CLEC19A: variants seen among roughly 807,000 people sequenced by gnomAD.
The protein encoded by CLEC19A is C-type lectin domain containing 19A.
Under a neutral mutation model 26.1 loss-of-function variants are expected in CLEC19A, and 21 were observed. The ratio of observed to expected loss-of-function variants is 0.80; its 90% confidence interval spans 0.57 to 1.16. The LOEUF (loss-of-function observed/expected upper bound fraction) is 1.16, where lower values mean the gene tolerates loss of function less well. Ranked by LOEUF, CLEC19A falls within the 50% of genes most tolerant of loss-of-function variation. The pLI is 0.00. For synonymous variants in CLEC19A, 89 were observed against 88.6 expected (o/e 1.00, Z -0.03); for missense variants, 224 against 227.6 (o/e 0.98, Z 0.10).
Position 19,289,928 on chromosome 16 carries a change from C to T in CLEC19A, c.88+3989C>T, listed in dbSNP as rs146161758. On this transcript the variant is annotated intron_variant, in intron 1 of 4. Coordinates refer to ENST00000636231, the MANE Select transcript of CLEC19A (RefSeq NM_001256720.2). ...GTCTGTGAGACACTTTCTTCCAGCCCGCTGGGAGTGTCTGGGGCCTAGTAT... is the reference window on the plus strand; with the variant it reads ...GTCTGTGAGACACTTTCTTCCAGCCTGCTGGGAGTGTCTGGGGCCTAGTAT... 2.3e-4 allele frequency among the ~76,000 whole-genome samples: 35 copies of T among 152,266 alleles called. 1 individual carries two copies. Among genetic ancestry groups the T allele is most frequent in the African/African-American group, 7.5e-4 (31 of 41,566 alleles).
At chr16:19,286,079 G>A in intron 1 of CLEC19A, 140 bp downstream of exon 1, 2 of 774,422 alleles carry the variant, frequency 2.6e-6, no homozygotes, top group Non-Finnish European at 4.2e-6. Flanking sequence ...CCCCCTACCA[G>A]CTTTGTCATG....
intron 3 of CLEC19A, among the ~76,000 whole-genome samples, chr16:19,307,132 C>G (rs532587190): frequency 6.6e-6 from 1 of 152,272 alleles, no homozygotes; most frequent in East Asian, 1.9e-4. Flanking sequence ...CATCCACTGG[C>G]AAAGTGTAGT....
At chr16:19,301,940 A>G (rs991383881) in intron 2 of CLEC19A, among the ~76,000 whole-genome samples, 2 of 151,720 alleles carry the variant, frequency 1.3e-5, no homozygotes, top group African/African-American at 2.4e-5. Flanking sequence ...TCATGCCTCT[A>G]AAGTTCTTAC....
intron 3 of CLEC19A, among the ~76,000 whole-genome samples, chr16:19,305,930 A>C (rs1597089378): frequency 1.3e-5 from 2 of 151,306 alleles, no homozygotes; most frequent in Non-Finnish European, 2.9e-5. Flanking sequence ...TGCAACCTCC[A>C]CCTCCTGGGT....
chr16:19,286,277 T>C (rs1897468970), intron 1 of CLEC19A, among the ~76,000 whole-genome samples: 1 of 152,232 alleles, frequency 6.6e-6, no homozygotes, highest in Admixed American at 6.5e-5. Context: ...AGGAAAGTGC[T>C]TTGCACAGTG....
chr16:19,299,197 T>G (rs1897766683), intron 2 of CLEC19A, among the ~76,000 whole-genome samples: 1 of 152,232 alleles, frequency 6.6e-6, no homozygotes, highest in South Asian at 2.1e-4. Context: ...GCCAGTCTTG[T>G]GCTGTCCTCT....
intron 1 of CLEC19A, among the ~76,000 whole-genome samples, chr16:19,293,289 T>A (rs1897628884): frequency 6.6e-6 from 1 of 152,050 alleles, no homozygotes; most frequent in Non-Finnish European, 1.5e-5. Context: ...ACATCCTAAG[T>A]TGGATCTGAG....
At chr16:19,298,025 C>A (rs574408512) in intron 1 of CLEC19A, among the ~76,000 whole-genome samples, 8 of 151,656 alleles carry the variant, frequency 5.3e-5, no homozygotes, top group Non-Finnish European at 1.0e-4. Flanking sequence ...CCGAGGCGGG[C>A]GGATCACCTG....
chr16:19,308,375 T>C (rs179228), intron 4 of CLEC19A, among the ~76,000 whole-genome samples: 141,646 of 152,194 alleles, frequency 0.93, 66,128 homozygotes, highest in Admixed American at 0.95. Flanking sequence ...TCAGATTCTT[T>C]GTCTTCAAAA....
At position 19,309,234 on chromosome 16, in the gene CLEC19A, G is replaced by A. The variant is rs1376184187; in HGVS notation, c.*151G>A. 2 of 565,798 alleles carry A rather than the reference G, an allele frequency of 3.5e-6. No homozygotes were observed. Among genetic ancestry groups the A allele is most frequent in the Non-Finnish European group, 6.0e-6 (2 of 334,856 alleles). The allele number at this position is 565,798 out of a possible 1,614,324, so 35.0% of individuals were successfully genotyped here. A position where few individuals can be genotyped will look rare whatever the true frequency, so the allele number is the denominator to read the frequency against. Reference sequence around the variant, plus strand: ...AACAAGCAGATCTTAATTATACAGGGTGGTCACTTGGCCAAGTGTCAGGAA... The same window carrying A: ...AACAAGCAGATCTTAATTATACAGGATGGTCACTTGGCCAAGTGTCAGGAA... On this transcript the variant is annotated 3_prime_UTR_variant, in exon 5 of 5. Transcript: ENST00000636231.
At chr16:19,293,022 A>G (rs1897622705) in intron 1 of CLEC19A, among the ~76,000 whole-genome samples, 1 of 152,214 alleles carries the variant, frequency 6.6e-6, no homozygotes, top group African/African-American at 2.4e-5. Context: ...TTCATGGGAG[A>G]AGGTCAAAAA....
intron 4 of CLEC19A, among the ~76,000 whole-genome samples, chr16:19,308,746 C>T (rs149515505): frequency 1.3e-5 from 2 of 152,236 alleles, no homozygotes; most frequent in East Asian, 3.9e-4. Flanking sequence ...TTCCTGGGAG[C>T]CCTCCTGGAG....
chr16:19,289,187 C>T (rs1244115230), intron 1 of CLEC19A, among the ~76,000 whole-genome samples: 2 of 152,124 alleles, frequency 1.3e-5, no homozygotes, highest in Non-Finnish European at 2.9e-5. Flanking sequence ...TAGAGCAGCC[C>T]GGATCCTAAA....
At chr16:19,294,952 G>A (rs1597081903) in intron 1 of CLEC19A, among the ~76,000 whole-genome samples, 1 of 152,228 alleles carries the variant, frequency 6.6e-6, no homozygotes, top group South Asian at 2.1e-4. Context: ...CTGACATTTC[G>A]GGTCGGATGA....
chr16:19,309,577 T>C lies in CLEC19A; in HGVS notation c.*494T>C, dbSNP rs1898028140. The C allele has an allele frequency of 6.5e-6, 1 of 153,936 alleles. No individual in the cohort carries two copies. The highest frequency in any genetic ancestry group is 2.4e-5 in the African/African-American group (1 of 41,424). 9.5% of individuals were successfully genotyped at this position (153,936 alleles called of 1,614,324 possible). A position where few individuals can be genotyped will look rare whatever the true frequency, so the allele number is the denominator to read the frequency against. ...AGTTTGGGAGGCTTAATGTACAGCG[T>C]GATGACTATAGTTAATAATAATGTA... On this transcript the variant is annotated 3_prime_UTR_variant, in exon 5 of 5. Coordinates refer to ENST00000636231, the MANE Select transcript of CLEC19A (RefSeq NM_001256720.2).
intron 4 of CLEC19A, 72 bp downstream of exon 4, chr16:19,307,749 G>C: frequency 1.3e-6 from 2 of 1,527,002 alleles, no homozygotes; most frequent in Non-Finnish European, 1.8e-6. Context: ...AGCGGAGAAG[G>C]GCCTTGGGGG....
chr16:19,307,806 TG>T, intron 4 of CLEC19A, 129 bp downstream of exon 4: 1 of 1,187,614 alleles, frequency 8.4e-7, no homozygotes, highest in Non-Finnish European at 1.2e-6. Context: ...TTCAGCACCT[TG>T]GAGAGCGGTG....
intron 1 of CLEC19A, among the ~76,000 whole-genome samples, chr16:19,292,261 T>C (rs1230755353): frequency 1.3e-5 from 2 of 152,322 alleles, no homozygotes; most frequent in Non-Finnish European, 1.5e-5. Context: ...GGGGCTCTTA[T>C]GAAAATGCAG....
At chr16:19,301,843 G>T (rs949938341) in intron 2 of CLEC19A, among the ~76,000 whole-genome samples, 1 of 142,320 alleles carries the variant, frequency 7.0e-6, no homozygotes, top group African/African-American at 2.6e-5. Context: ...TGCCTCCCTC[G>T]GCCTCCTAAA....
Sources: allele counts gnomAD v4.1 joint callset (sites outside exome capture counted in the v4.1 genomes callset), GRCh38; gene constraint gnomAD v4.1.1; transcripts MANE v1.5; gene names NCBI Gene and HGNC (gene_info 2026-07-23, HGNC 2026-07-21).